DNAH12: variants seen among roughly 807,000 people sequenced by gnomAD.
DNAH12 encodes axonemal beta dynein heavy chain 12.
In DNAH12, 285 loss-of-function variants were observed where a neutral mutation model predicts 371.5. The ratio of observed to expected loss-of-function variants is 0.77; its 90% CI spans 0.70 to 0.85. The LOEUF (loss-of-function observed/expected upper bound fraction) is 0.85, where lower values mean the gene tolerates loss of function less well. Ranked by LOEUF, DNAH12 falls within the 40% of genes least tolerant of loss-of-function variation. The pLI is 0.00. For synonymous variants in DNAH12, 1,200 were observed against 1,213.0 expected (o/e 0.99, Z 0.22); for missense variants, 3,611 against 3,689.4 (o/e 0.98, Z 0.55).
chr3:57,355,541 G>T lies in DNAH12; in HGVS notation c.9533+1635C>A, dbSNP rs976149281. Among the ~76,000 whole-genome samples the T allele has an allele frequency of 1.1e-3, 166 of 150,922 alleles. 1 individual carries two copies. Among genetic ancestry groups the T allele is most frequent in the African/African-American group, 3.9e-3 (162 of 41,312 alleles). On this transcript the variant is annotated intron_variant, in intron 59 of 73. Coordinates refer to ENST00000495027, the MANE Select transcript of DNAH12 (RefSeq NM_001366028.2). ...TGAACATATGCAATCAATTCTTTTG[G>T]GTATATACCCAGGAATGGAATTGCT...
intron 43 of DNAH12, among the ~76,000 whole-genome samples, chr3:57,396,039 G>A (rs2063730043): frequency 2.6e-5 from 4 of 151,860 alleles, no homozygotes; most frequent in African/African-American, 9.7e-5. Context: ...AGCAGTTTGG[G>A]AGACTGAGGC....
At chr3:57,430,380 A>AT (rs1271113314) in intron 32 of DNAH12, among the ~76,000 whole-genome samples, 1 of 152,222 alleles carries the variant, frequency 6.6e-6, no homozygotes, top group African/African-American at 2.4e-5. Context: ...ATTCTTTATT[A>AT]TCATCTAATA....
intron 61 of DNAH12, 40 bp downstream of exon 61, chr3:57,334,742 A>G: frequency 6.5e-7 from 1 of 1,527,524 alleles, no homozygotes; most frequent in Non-Finnish European, 8.8e-7. Context: ...AAGTTTACAT[A>G]TTGCCATTCA....
intron 2 of DNAH12, among the ~76,000 whole-genome samples, chr3:57,531,216 T>C (rs1485215965): frequency 6.6e-6 from 1 of 152,218 alleles, no homozygotes. Flanking sequence ...CTGATGTTGA[T>C]GAAATCCTTT....
At chr3:57,327,300 T>C (rs918658960) in intron 62 of DNAH12, among the ~76,000 whole-genome samples, 5 of 151,574 alleles carry the variant, frequency 3.3e-5, no homozygotes, top group Non-Finnish European at 5.9e-5. Flanking sequence ...ATTGACCACA[T>C]AGTTGGAAGT....
At position 57,345,917 on chromosome 3, in the gene DNAH12, C is replaced by T. The variant is rs145188787; in HGVS notation, c.9674+6168G>A. Among the ~76,000 whole-genome samples the T allele has an allele frequency of 2.4e-3, 368 of 152,138 alleles. 1 individual carries two copies. The highest frequency in any genetic ancestry group is 2.4e-3 in the Non-Finnish European group (164 of 67,960). Reference sequence around the variant, plus strand: ...CAGTTCATCTGTCTTTTCAAAGTGTCACAAATCTTCAGAAATTTTTCCAGT... The same window carrying T: ...CAGTTCATCTGTCTTTTCAAAGTGTTACAAATCTTCAGAAATTTTTCCAGT... On this transcript the variant is annotated intron_variant, in intron 60 of 73. Transcript: ENST00000495027.
Position 57,418,557 on chromosome 3 carries a change from A to AAAAAAC in DNAH12, c.5714+809_5714+810insGTTTTT, listed in dbSNP as rs797009937. ...CCTGTCTCAAAAAAAAAAACAAAAA[A>AAAAAAC]CTGCTATACTAGAAATGTCACAGAA... On this transcript the variant is annotated intron_variant, in intron 37 of 73. Transcript: ENST00000495027. Among the ~76,000 whole-genome samples the AAAAAAC allele has an allele frequency of 8.3e-3, 1,240 of 150,208 alleles. 32 individuals carry two copies. Among genetic ancestry groups the AAAAAAC allele is most frequent in the African/African-American group, 0.029 (1,171 of 40,302 alleles).
intron 58 of DNAH12, among the ~76,000 whole-genome samples, chr3:57,363,044 T>C (rs2062972803): frequency 6.6e-6 from 1 of 152,220 alleles, no homozygotes; most frequent in African/African-American, 2.4e-5. Context: ...TTAATTTTTG[T>C]ATAAGGTATA....
intron 12 of DNAH12, among the ~76,000 whole-genome samples, chr3:57,484,564 G>A (rs965647974): frequency 1.3e-5 from 2 of 152,110 alleles, no homozygotes; most frequent in East Asian, 1.9e-4. Context: ...ACTTAAATCC[G>A]AGACCTGAAA....
chr3:57,317,028 C>A (rs896994293), intron 65 of DNAH12, among the ~76,000 whole-genome samples: 1 of 152,112 alleles, frequency 6.6e-6, no homozygotes, highest in Non-Finnish European at 1.5e-5. Flanking sequence ...GCAAATGATA[C>A]CTATATTAGA....
intron 37 of DNAH12, among the ~76,000 whole-genome samples, chr3:57,417,192 G>C (rs1050098894): frequency 6.4e-5 from 8 of 125,638 alleles, no homozygotes; most frequent in African/African-American, 1.9e-4. Context: ...AGAGGTTGTG[G>C]TGAGCTGAGA....
chr3:57,323,559 G>A lies in DNAH12; in HGVS notation c.10039C>T (p.Pro3347Ser), dbSNP rs2153295507. The change falls in exon 63 of 74, where the codon CCA (proline) becomes TCA (serine). Residue 3347 changes from proline to serine, a missense_variant. Pro to Ser is a moderately conservative substitution (Grantham distance 74, BLOSUM62 -1). Around this residue, in one of 3 missense-constraint regions of DNAH12, gnomAD observed 2,266 missense variants for 2,236.9 expected, o/e 1.01. Transcript: ENST00000495027. ...DKLGKKFVEP[P>S]PFDLTKSYLD... ...TAACTCTTTGTCAAATCAAATGGTG[G>A]AGGCTCTACAAACTTTTTCCCTAGT... is the stretch of plus-strand genomic sequence containing the variant. 6.4e-7 allele frequency: 1 copy of A among 1,550,696 alleles called. No individual in the cohort carries two copies. The highest frequency in any genetic ancestry group is 8.7e-7 in the Non-Finnish European group (1 of 1,146,746).
At chr3:57,321,904 A>G (rs1040344041) in intron 65 of DNAH12, among the ~76,000 whole-genome samples, 1 of 152,194 alleles carries the variant, frequency 6.6e-6, no homozygotes, top group East Asian at 1.9e-4. Flanking sequence ...CACTATTAAT[A>G]TGCTTAACAT....
At chr3:57,468,620 A>G in intron 17 of DNAH12, 116 bp downstream of exon 17, 1 of 608,142 alleles carries the variant, frequency 1.6e-6, no homozygotes, top group Admixed American at 4.3e-5. Flanking sequence ...AATTATTAAT[A>G]ATAATAAATA....
intron 11 of DNAH12, among the ~76,000 whole-genome samples, chr3:57,490,084 T>C (rs2067065766): frequency 6.6e-6 from 1 of 152,192 alleles, no homozygotes. Context: ...AAAGATTCTA[T>C]TTTTTTCACT....
the DNAH12 span, among the ~76,000 whole-genome samples, chr3:57,553,090 C>T: frequency 6.6e-6 from 1 of 151,824 alleles, no homozygotes; most frequent in Non-Finnish European, 1.5e-5. Flanking sequence ...GCAGGAGAAT[C>T]GCTTGAACCC....
intron 66 of DNAH12, among the ~76,000 whole-genome samples, chr3:57,311,840 CT>C (rs2061589998): frequency 6.6e-6 from 1 of 152,228 alleles, no homozygotes; most frequent in Admixed American, 6.5e-5. Flanking sequence ...CACAGTTCCA[CT>C]GGCAATACAT....
At chr3:57,469,047 T>TA (rs1441303980) in intron 16 of DNAH12, 68 bp from the exon 17 acceptor site, 1 of 1,410,306 alleles carries the variant, frequency 7.1e-7, no homozygotes, top group Non-Finnish European at 9.4e-7. Flanking sequence ...AGAGATCCTT[T>TA]AGGCTAGACC....
chr3:57,299,287 G>A (rs1181715026), intron 70 of DNAH12, among the ~76,000 whole-genome samples: 1 of 152,178 alleles, frequency 6.6e-6, no homozygotes, highest in Non-Finnish European at 1.5e-5. Context: ...CATTTACTAA[G>A]TGCTTAGTAC....
Sources: allele counts gnomAD v4.1 joint callset (sites outside exome capture counted in the v4.1 genomes callset), GRCh38; gene constraint gnomAD v4.1.1; regional missense constraint gnomAD v4.1.1; transcripts MANE v1.5; gene names NCBI Gene and HGNC (gene_info 2026-07-23, HGNC 2026-07-21).